SH3TC2: variants seen among roughly 807,000 people sequenced by gnomAD.
The protein encoded by SH3TC2 is SH3 domain and tetratricopeptide repeats 2, also known as SH3 domain and tetratricopeptide repeat-containing protein 2.
In SH3TC2, 87 loss-of-function variants were observed where a neutral mutation model predicts 124.5. The observed-to-expected ratio is 0.70, with a 90% confidence interval of 0.59 to 0.84. The LOEUF (loss-of-function observed/expected upper bound fraction) is 0.84. Ranked by LOEUF, SH3TC2 falls within the 40% of genes least tolerant of loss-of-function variation. The probability of loss-of-function intolerance (pLI) is 0.00; values close to 1 mark genes in which losing one functional copy is unlikely to be tolerated. For missense variants in SH3TC2, 1,536 were observed against 1,566.4 expected, an observed-to-expected ratio of 0.98 and a Z score of 0.33; for synonymous variants, 634 against 628.5, an observed-to-expected ratio of 1.01 and a Z score of -0.13.
At position 149,017,338 on chromosome 5, in the gene SH3TC2, G is replaced by T. The variant is rs147021863; in HGVS notation, c.3054-4604C>A. On this transcript the variant is annotated intron_variant, in intron 12 of 16. Coordinates refer to ENST00000515425, the MANE Select transcript of SH3TC2 (RefSeq NM_024577.4). Reference sequence around the variant, plus strand: ...TGTGTCACCTCAAGACAGAAGACAAGACTCCCTAAGATCCCTCCCATTGAG... The same window carrying T: ...TGTGTCACCTCAAGACAGAAGACAATACTCCCTAAGATCCCTCCCATTGAG... 4.3e-3 allele frequency among the ~76,000 whole-genome samples: 661 copies of T among 152,252 alleles called. 8 individuals carry two copies. The highest frequency in any genetic ancestry group is 0.015 in the African/African-American group (625 of 41,542).
At chr5:149,005,077 G>C (rs550788615) in intron 16 of SH3TC2, among the ~76,000 whole-genome samples, 175 bp from the exon 17 acceptor site, 5 of 152,128 alleles carry the variant, frequency 3.3e-5, no homozygotes, top group Admixed American at 1.3e-4. Flanking sequence ...TCCCTCCACT[G>C]TGGTCCTTGG....
intron 9 of SH3TC2, among the ~76,000 whole-genome samples, chr5:149,030,220 A>G (rs1188242559): frequency 6.6e-6 from 1 of 152,174 alleles, no homozygotes; most frequent in African/African-American, 2.4e-5. Context: ...CCTCTCTAGG[A>G]GGAAGAATTA....
chr5:149,017,515 C>T (rs1561760623), intron 12 of SH3TC2, among the ~76,000 whole-genome samples: 1 of 152,170 alleles, frequency 6.6e-6, no homozygotes, highest in South Asian at 2.1e-4. Context: ...TACCTGTGTG[C>T]CCCCCGCCCC....
intron 4 of SH3TC2, 94 bp from the exon 5 acceptor site, chr5:149,042,931 TC>T: frequency 1.4e-6 from 2 of 1,468,780 alleles, no homozygotes; most frequent in Non-Finnish European, 1.9e-6. Context: ...TGAGCTTGAT[TC>T]CCAGACCACA....
intron 9 of SH3TC2, among the ~76,000 whole-genome samples, chr5:149,030,814 G>C (rs9325128): frequency 7.8e-4 from 119 of 152,346 alleles, no homozygotes; most frequent in African/African-American, 2.7e-3. Flanking sequence ...CATCAATGAA[G>C]AGATGGGAGA....
At position 149,027,319 on chromosome 5, in the gene SH3TC2, C is replaced by T. The variant is rs1311142119; in HGVS notation, c.2413G>A (p.Ala805Thr). ...SFESSLCLAW[A>T]YLLASQAKKA... ...TTGGCCTGGCTGGCTAAGAGATAGGCCCATGCCAGGCAGAGAGAAGACTCA... is the reference window on the plus strand; with the variant it reads ...TTGGCCTGGCTGGCTAAGAGATAGGTCCATGCCAGGCAGAGAGAAGACTCA... Residue 805 changes from alanine to threonine, a missense_variant, in exon 11 of 17, where the codon GCC becomes ACC. Transcript: ENST00000515425. 1.2e-6 allele frequency: 2 copies of T among 1,613,918 alleles called. No individual in the cohort carries two copies. The highest frequency in any genetic ancestry group is 1.3e-5 in the African/African-American group (1 of 74,952).
intron 9 of SH3TC2, 55 bp downstream of exon 9, chr5:149,031,499 T>G: frequency 2.5e-6 from 4 of 1,611,918 alleles, no homozygotes; most frequent in Non-Finnish European, 3.4e-6. Context: ...TTAGGGACAC[T>G]ATCTTATTCT....
chr5:149,039,628 T>C (rs1754336447), intron 7 of SH3TC2, among the ~76,000 whole-genome samples: 3 of 152,358 alleles, frequency 2.0e-5, no homozygotes, highest in Middle Eastern at 3.4e-3. Flanking sequence ...AAGTGATTTA[T>C]GGATGTCATT....
intron 10 of SH3TC2, 35 bp from the exon 11 acceptor site, chr5:149,028,589 A>G (rs1451514019): frequency 6.2e-7 from 1 of 1,614,046 alleles, no homozygotes; most frequent in Non-Finnish European, 8.5e-7. Flanking sequence ...AACCTTGGGC[A>G]CCTGCACCTA....
At position 149,026,584 on chromosome 5, in the gene SH3TC2, AG is replaced by A; in HGVS notation, c.3040del (p.Leu1014Ter). 1 of 1,614,090 alleles carries A rather than the reference AG, an allele frequency of 6.2e-7. No individual in the cohort carries two copies. Among genetic ancestry groups the A allele is most frequent in the Non-Finnish European group, 8.5e-7 (1 of 1,180,032 alleles). On this transcript the variant is annotated frameshift_variant, in exon 12 of 17. Transcript: ENST00000515425. LOFTEE classifies it high-confidence loss of function. ...GACCCTGACTCACCTGGCGGTATTT[AG>A]GTTCCGATAAAGCTGCCCCAGGGAC... ...LESLGQLYRN[L>X]NTARSLRRSL...
chr5:149,053,245 G>T (rs1198633538), intron 1 of SH3TC2, among the ~76,000 whole-genome samples: 1 of 152,184 alleles, frequency 6.6e-6, no homozygotes, highest in Non-Finnish European at 1.5e-5. Context: ...AACAGGGGTG[G>T]AGCAGTCACA....
At chr5:149,026,489 G>T in intron 12 of SH3TC2, 83 bp downstream of exon 12, 1 of 1,547,270 alleles carries the variant, frequency 6.5e-7, no homozygotes, top group Non-Finnish European at 8.9e-7. Flanking sequence ...ATGTACATTT[G>T]GACTTGCTTC....
At position 149,045,020 on chromosome 5, in the gene SH3TC2, T is replaced by C. The variant is rs2127401573; in HGVS notation, c.280-382A>G. The stretch of plus-strand genomic sequence containing the variant: ...TGGGAGGATAAAGGACGCTGATTCA[T>C]AGAAGGCATCTTGAAAGCAAATTTG... On this transcript the variant is annotated intron_variant, in intron 3 of 16. Transcript: ENST00000515425. The C allele has an allele frequency of 1.1e-5, 2 of 183,568 alleles. 1 individual carries two copies. Among genetic ancestry groups the C allele is most frequent in the South Asian group, 2.3e-4 (2 of 8,780 alleles). 11.4% of individuals were successfully genotyped at this position (183,568 alleles called of 1,614,324 possible).
chr5:149,040,698 T>A, intron 6 of SH3TC2, 21 bp from the exon 7 acceptor site: 1 of 1,611,136 alleles, frequency 6.2e-7, no homozygotes. Flanking sequence ...AAACATGGGG[T>A]TTGCAAACAC....
rs369239776 is a variant in SH3TC2 at position 148,996,144 on chromosome 5, C to T, written c.*8567G>A. Among the ~76,000 whole-genome samples the T allele has an allele frequency of 2.6e-5, 4 of 151,938 alleles. No individual in the cohort carries two copies. Among genetic ancestry groups the T allele is most frequent in the East Asian group, 3.9e-4 (2 of 5,154 alleles). ...GTACATGCCTGTAGTCCCAGCTACT[C>T]GGGAGGCTGAAGTGGGAGGATCACC... On this transcript the variant is annotated 3_prime_UTR_variant, in exon 17 of 17. Transcript: ENST00000515425.
At position 148,983,981 on chromosome 5, in the gene SH3TC2, T is replaced by C. The variant is rs1480878255; in HGVS notation, c.*20730A>G. Among the ~76,000 whole-genome samples the C allele has an allele frequency of 1.3e-5, 2 of 152,198 alleles. No individual in the cohort carries two copies. The highest frequency in any genetic ancestry group is 2.4e-5 in the African/African-American group (1 of 41,452). Reference sequence around the variant, plus strand: ...TTAAGTCACTTGAACCAATACATTTTTTTAAAATTACTTAAGCCAGTTTGA... The same window carrying C: ...TTAAGTCACTTGAACCAATACATTTCTTTAAAATTACTTAAGCCAGTTTGA... On this transcript the variant is annotated 3_prime_UTR_variant, in exon 17 of 17. Transcript: ENST00000515425.
Position 149,003,771 on chromosome 5 carries a change from A to G in SH3TC2, c.*940T>C, listed in dbSNP as rs1753634027. The G allele has an allele frequency of 4.5e-6, 2 of 447,888 alleles. No individual in the cohort carries two copies. The highest frequency in any genetic ancestry group is 8.9e-6 in the Non-Finnish European group (2 of 224,416). 27.7% of individuals were successfully genotyped at this position (447,888 alleles called of 1,614,324 possible). On this transcript the variant is annotated 3_prime_UTR_variant, in exon 17 of 17. Coordinates refer to ENST00000515425, the MANE Select transcript of SH3TC2 (RefSeq NM_024577.4). ...GAGGTTGACACTGGAGGATCACTTGAGCCCCGGAGTCTGAGGTCGCAGGAA... is the reference window on the plus strand; with the variant it reads ...GAGGTTGACACTGGAGGATCACTTGGGCCCCGGAGTCTGAGGTCGCAGGAA...
At chr5:149,040,726 A>C (rs964843103) in intron 6 of SH3TC2, 49 bp from the exon 7 acceptor site, 3 of 1,441,366 alleles carry the variant, frequency 2.1e-6, no homozygotes, top group African/African-American at 2.8e-5. Flanking sequence ...AAAAAATTGC[A>C]ACAATGAACA....
In SH3TC2 at chr5:148,987,270, T is replaced by C. The variant is rs1160395377; in HGVS notation, c.*17441A>G. 3.3e-5 allele frequency among the ~76,000 whole-genome samples: 5 copies of C among 152,260 alleles called. No homozygotes were observed. Among genetic ancestry groups the C allele is most frequent in the Non-Finnish European group, 7.3e-5 (5 of 68,036 alleles). ...CAAAGATTGGTTCTATCTGTCACCA[T>C]TGGGAATGTTCAGGAATATTCTCAT... On this transcript the variant is annotated 3_prime_UTR_variant, in exon 17 of 17. Coordinates refer to ENST00000515425, the MANE Select transcript of SH3TC2 (RefSeq NM_024577.4).
Sources: gnomAD v4.1 joint callset for allele counts (sites outside exome capture counted in the v4.1 genomes callset) on GRCh38, gnomAD v4.1.1 for gene constraint, MANE v1.5 for transcripts, NCBI Gene and HGNC (gene_info 2026-07-23, HGNC 2026-07-21) for gene names.